Variants in AGMO observed in about 807,000 individuals in gnomAD.
AGMO encodes alkylglycerol monooxygenase.
Under a neutral mutation model 60.2 loss-of-function variants are expected in AGMO, and 75 were observed. The observed-to-expected ratio is 1.25, with a 90% CI of 1.03 to 1.51. AGMO has a LOEUF of 1.51. AGMO is among the 40% of genes most tolerant of loss of function. The pLI is 0.00. For missense variants in AGMO, 763 were observed against 525.5 expected (o/e 1.45, Z -4.42); for synonymous variants, 261 against 177.1 (o/e 1.47, Z -3.76).
chr7:15,307,488 G>A (rs183802082), intron 12 of AGMO, among the ~76,000 whole-genome samples: 236 of 151,948 alleles, frequency 1.6e-3, no homozygotes, highest in Non-Finnish European at 2.4e-3. Flanking sequence ...TTTAAAACTA[G>A]TAAGGATGTT....
At chr7:15,455,746 A>T (rs1008133409) in intron 3 of AGMO, among the ~76,000 whole-genome samples, 1 of 152,122 alleles carries the variant, frequency 6.6e-6, no homozygotes, top group Non-Finnish European at 1.5e-5. Context: ...CCTAGAATTC[A>T]GCTGCTCCTG....
chr7:15,399,436 C>A (rs1784497467), intron 5 of AGMO, among the ~76,000 whole-genome samples: 1 of 152,120 alleles, frequency 6.6e-6, no homozygotes, highest in Admixed American at 6.5e-5. Context: ...ATAAGTAAAA[C>A]CTGAGTGCTA....
intron 12 of AGMO, among the ~76,000 whole-genome samples, chr7:15,354,442 ACACG>A (rs1563105605): frequency 6.1e-5 from 1 of 16,400 alleles, no homozygotes; most frequent in Non-Finnish European, 8.9e-5. Context: ...GTGTGTATAC[ACACG>A]TGTGTGTATA....
chr7:15,392,818 AC>A (rs1205730062), intron 6 of AGMO, among the ~76,000 whole-genome samples: 98 of 152,112 alleles, frequency 6.4e-4, no homozygotes, highest in African/African-American at 2.2e-3. Context: ...AAACAAACAA[AC>A]AAACAAACAA....
At chr7:15,476,026 G>T (rs574714945) in intron 3 of AGMO, among the ~76,000 whole-genome samples, 153 of 152,096 alleles carry the variant, frequency 1.0e-3, no homozygotes, top group South Asian at 4.2e-3. Context: ...ATAGATGCTG[G>T]GTCTGGTTTA....
intron 3 of AGMO, among the ~76,000 whole-genome samples, chr7:15,439,945 C>T (rs1014435893): frequency 2.0e-5 from 3 of 152,150 alleles, no homozygotes; most frequent in South Asian, 2.1e-4. Context: ...TATCTAATCC[C>T]TTCCAAACTA....
intron 12 of AGMO, among the ~76,000 whole-genome samples, chr7:15,234,497 T>G (rs1782358255): frequency 6.6e-6 from 1 of 152,230 alleles, no homozygotes; most frequent in African/African-American, 2.4e-5. Context: ...AAAACAACTC[T>G]TAATGACACA....
In AGMO at chr7:15,390,677, TTTGA is replaced by T. The variant is rs1237539390; in HGVS notation, c.812_815del (p.Ile271LysfsTer64). The T allele has an allele frequency of 6.9e-6, 11 of 1,594,704 alleles. No individual in the cohort carries two copies. The highest frequency in any genetic ancestry group is 9.4e-6 in the Non-Finnish European group (11 of 1,168,448). On this transcript the variant is annotated frameshift_variant, in exon 8 of 13. Coordinates refer to ENST00000342526, the MANE Select transcript of AGMO (RefSeq NM_001004320.2). LOFTEE classifies it high-confidence loss of function. ...TAAAAAACAAGTATGTTACCTGCAC[TTTGA>T]TTGGTTCAAATGTATTAATGGGATG... is the stretch of plus-strand genomic sequence containing the variant.
chr7:15,456,976 G>A (rs1192308123), intron 3 of AGMO, among the ~76,000 whole-genome samples: 2 of 152,190 alleles, frequency 1.3e-5, no homozygotes, highest in East Asian at 1.9e-4. Context: ...AGAAATGAAA[G>A]CACATGTTCA....
chr7:15,437,357 A>G (rs549170484), intron 3 of AGMO, among the ~76,000 whole-genome samples: 91 of 152,258 alleles, frequency 6.0e-4, no homozygotes, highest in African/African-American at 2.2e-3. Flanking sequence ...ATCCTTGCTC[A>G]CTTAATATCA....
At chr7:15,331,196 C>G (rs540295213) in intron 12 of AGMO, among the ~76,000 whole-genome samples, 2 of 152,170 alleles carry the variant, frequency 1.3e-5, no homozygotes, top group East Asian at 1.9e-4. Context: ...GACTTCGTCC[C>G]CAGGCAAGAA....
intron 12 of AGMO, among the ~76,000 whole-genome samples, chr7:15,346,184 G>A (rs1351503332): frequency 6.6e-6 from 1 of 152,030 alleles, no homozygotes; most frequent in Non-Finnish European, 1.5e-5. Context: ...ATCTCAAACT[G>A]CATATACAGT....
At chr7:15,461,789 T>C (rs1463043661) in intron 3 of AGMO, among the ~76,000 whole-genome samples, 3 of 152,090 alleles carry the variant, frequency 2.0e-5, no homozygotes, top group Admixed American at 1.3e-4. Context: ...TATTTACACA[T>C]GTATATACTT....
At chr7:15,347,046 A>G (rs1429242510) in intron 12 of AGMO, among the ~76,000 whole-genome samples, 2 of 152,038 alleles carry the variant, frequency 1.3e-5, no homozygotes, top group African/African-American at 4.8e-5. Flanking sequence ...AGTAGGTACT[A>G]CATTAAGGTG....
intron 3 of AGMO, among the ~76,000 whole-genome samples, chr7:15,518,426 T>G (rs10271609): frequency 0.043 from 6,561 of 152,148 alleles, 487 homozygotes; most frequent in African/African-American, 0.15. Flanking sequence ...GAGAGCTCTG[T>G]CTGGCATCTG....
At chr7:15,547,371 A>G (rs1372860627) in intron 2 of AGMO, among the ~76,000 whole-genome samples, 3 of 151,872 alleles carry the variant, frequency 2.0e-5, no homozygotes, top group Non-Finnish European at 4.4e-5. Context: ...AGCGACGCAG[A>G]AGACGGGTGA....
At chr7:15,320,969 A>C (rs771965645) in intron 12 of AGMO, among the ~76,000 whole-genome samples, 11 of 152,154 alleles carry the variant, frequency 7.2e-5, no homozygotes, top group Non-Finnish European at 1.3e-4. Context: ...TTTTGTAAGG[A>C]AACTCTCCCT....
At chr7:15,194,803 G>A in the AGMO span, among the ~76,000 whole-genome samples, 1 of 152,178 alleles carries the variant, frequency 6.6e-6, no homozygotes, top group East Asian at 1.9e-4. Context: ...CTAGTGTGCC[G>A]TGTGGCTGCC....
chr7:15,390,585 T>C (rs1019591045), intron 8 of AGMO, 86 bp downstream of exon 8: 33 of 1,112,624 alleles, frequency 3.0e-5, no homozygotes, highest in Non-Finnish European at 4.0e-5. Context: ...TAATATACTT[T>C]CACTTTTCTA....
Sources: gnomAD v4.1 joint callset for allele counts (sites outside exome capture counted in the v4.1 genomes callset) on GRCh38, gnomAD v4.1.1 for gene constraint, MANE v1.5 for transcripts, NCBI Gene and HGNC (gene_info 2026-07-23, HGNC 2026-07-21) for gene names.